Variants in LINGO2 observed in about 807,000 individuals in gnomAD.
LINGO2 encodes leucine rich repeat and Ig domain containing 2, also known as leucine-rich repeat and immunoglobulin-like domain-containing nogo receptor-interacting protein 2.
LINGO2 carries 14 observed loss-of-function variants against 30.6 expected under a neutral mutation model. The observed-to-expected ratio is 0.46, with a 90% CI of 0.30 to 0.72. The LOEUF (loss-of-function observed/expected upper bound fraction) is 0.72, where lower values mean the gene tolerates loss of function less well. Ranked by LOEUF, LINGO2 falls within the 30% of genes least tolerant of loss-of-function variation. The pLI, the probability that LINGO2 is intolerant of heterozygous loss-of-function variation, is 0.07. For missense variants in LINGO2, 729 were observed against 751.7 expected (o/e 0.97, Z 0.35); for synonymous variants, 317 against 288.5 (o/e 1.10, Z -1.00).
the LINGO2 span, among the ~76,000 whole-genome samples, chr9:28,854,349 T>C: frequency 6.6e-6 from 1 of 152,040 alleles, no homozygotes; most frequent in East Asian, 1.9e-4. Context: ...TCTTCTTGAA[T>C]GCTAAGTTAT....
chr9:28,154,088 G>A (rs1424487441), intron 4 of LINGO2, among the ~76,000 whole-genome samples: 2 of 152,096 alleles, frequency 1.3e-5, no homozygotes, highest in African/African-American at 4.8e-5. Context: ...ATTTGCTATA[G>A]CTCTGACAAC....
intron 2 of LINGO2, among the ~76,000 whole-genome samples, chr9:28,446,343 T>A (rs1397512051): frequency 2.0e-5 from 3 of 152,212 alleles, no homozygotes; most frequent in Non-Finnish European, 2.9e-5. Flanking sequence ...GTTTATAATA[T>A]AAAATTTCAA....
At chr9:28,487,593 A>C (rs1216616041) in intron 1 of LINGO2, among the ~76,000 whole-genome samples, 1 of 152,200 alleles carries the variant, frequency 6.6e-6, no homozygotes, top group East Asian at 1.9e-4. Flanking sequence ...TGGAAATGTC[A>C]AATTTCCCAA....
the LINGO2 span, among the ~76,000 whole-genome samples, chr9:28,760,421 G>A: frequency 2.0e-5 from 3 of 151,964 alleles, no homozygotes; most frequent in East Asian, 5.8e-4. Flanking sequence ...CTGAGAAAGG[G>A]AAACAAGATT....
intron 1 of LINGO2, among the ~76,000 whole-genome samples, chr9:28,510,395 T>C (rs1333962809): frequency 6.6e-6 from 1 of 152,050 alleles, no homozygotes; most frequent in Non-Finnish European, 1.5e-5. Flanking sequence ...TAAAAAAGAA[T>C]GTTATTAAGA....
rs546861016 is a variant in LINGO2, at chr9:28,011,162, T to G, written c.-36+1193A>C. Among the ~76,000 whole-genome samples, 10 of 152,148 alleles carry G rather than the reference T, an allele frequency of 6.6e-5. 1 individual carries two copies. Among genetic ancestry groups the G allele is most frequent in the Middle Eastern group, 3.4e-3 (1 of 294 alleles). On this transcript the variant is annotated intron_variant, in intron 5 of 5. Coordinates refer to ENST00000379992, the Ensembl canonical transcript of LINGO2. ...GGTTCAAGAGAATGAGAAAGTCAAA[T>G]GTAAGAGGCCAGGTCAAATTGATTT...
the LINGO2 span, among the ~76,000 whole-genome samples, chr9:28,934,791 A>G: frequency 6.6e-6 from 1 of 152,172 alleles, no homozygotes; most frequent in African/African-American, 2.4e-5. Flanking sequence ...TTAATCTAAA[A>G]TTGCTTCAAT....
chr9:28,948,712 T>G, the LINGO2 span, among the ~76,000 whole-genome samples: 3 of 152,248 alleles, frequency 2.0e-5, no homozygotes, highest in African/African-American at 7.2e-5. Flanking sequence ...AAATAAATCT[T>G]GGTTATGCAA....
At chr9:28,777,895 T>C in the LINGO2 span, among the ~76,000 whole-genome samples, 1 of 152,210 alleles carries the variant, frequency 6.6e-6, no homozygotes. Flanking sequence ...TTTAAAATCC[T>C]GATTTCTCTT....
chr9:28,754,017 AACACACACACACACAC>A, the LINGO2 span, among the ~76,000 whole-genome samples: 5 of 146,024 alleles, frequency 3.4e-5, no homozygotes, highest in East Asian at 4.0e-4. Context: ...CACACACACA[AACACACACACACACAC>A]ACACACACAC....
At chr9:28,865,924 T>C in the LINGO2 span, among the ~76,000 whole-genome samples, 5 of 152,154 alleles carry the variant, frequency 3.3e-5, no homozygotes, top group African/African-American at 1.2e-4. Context: ...CAGGGTGTGT[T>C]TTTACAATAT....
At chr9:29,066,770 A>G in the LINGO2 span, among the ~76,000 whole-genome samples, 7 of 151,928 alleles carry the variant, frequency 4.6e-5, no homozygotes, top group Admixed American at 2.6e-4. Flanking sequence ...GACCTAAAAT[A>G]TAGTATGATC....
chr9:27,950,700 C>A lies in LINGO2; in HGVS notation c.-29G>T. The A allele has an allele frequency of 1.3e-6, 2 of 1,484,486 alleles. No individual in the cohort carries two copies. The highest frequency in any genetic ancestry group is 3.0e-5 in the South Asian group (2 of 66,620). 92.0% of individuals were successfully genotyped at this position (1,484,486 alleles called of 1,614,324 possible). On this transcript the variant is annotated 5_prime_UTR_variant, in exon 6 of 6. It removes the in-frame stop codon of an upstream open reading frame in the 5' UTR. Transcript: ENST00000379992. ...TCCACTTCTTAGTCTACACCTTGGT[C>A]ACGGGTCTGCATGGAAGGGACACAA... is the stretch of plus-strand genomic sequence containing the variant.
chr9:27,987,482 A>T (rs1471577626), intron 5 of LINGO2, among the ~76,000 whole-genome samples: 1 of 151,860 alleles, frequency 6.6e-6, no homozygotes, highest in Non-Finnish European at 1.5e-5. Context: ...TAGACTTTCA[A>T]TTCTAGCTTT....
the LINGO2 span, among the ~76,000 whole-genome samples, chr9:28,903,237 G>A: frequency 1.3e-5 from 2 of 151,716 alleles, no homozygotes; most frequent in African/African-American, 4.8e-5. Context: ...GAGACTAATA[G>A]GAACAAGTAT....
At chr9:28,654,738 G>A (rs1282355038) in intron 1 of LINGO2, among the ~76,000 whole-genome samples, 1 of 152,082 alleles carries the variant, frequency 6.6e-6, no homozygotes, top group East Asian at 1.9e-4. Flanking sequence ...ACTAGAGATA[G>A]ACTGTCTAGA....
the LINGO2 span, among the ~76,000 whole-genome samples, chr9:28,796,186 A>G: frequency 6.6e-6 from 1 of 152,142 alleles, no homozygotes; most frequent in Admixed American, 6.5e-5. Flanking sequence ...TTGATAAATT[A>G]GACATCAAAG....
rs113060736 is a variant in LINGO2, at chr9:28,291,839, C to A, written c.-87+3369G>T. On this transcript the variant is annotated intron_variant, in intron 4 of 5. Coordinates refer to ENST00000379992, the Ensembl canonical transcript of LINGO2. ...AGAAAAAGTAATTCAACTTGTAGACCCAAGAAACTTGGCAAATTCCAAACA... is the reference window on the plus strand; with the variant it reads ...AGAAAAAGTAATTCAACTTGTAGACACAAGAAACTTGGCAAATTCCAAACA... Among the ~76,000 whole-genome samples, 657 of 152,000 alleles carry A rather than the reference C, an allele frequency of 4.3e-3. 6 individuals are homozygous for A. The highest frequency in any genetic ancestry group is 7.5e-3 in the Non-Finnish European group (509 of 67,958).
At chr9:27,954,405 C>T (rs10757701) in intron 5 of LINGO2, among the ~76,000 whole-genome samples, 3 of 151,922 alleles carry the variant, frequency 2.0e-5, no homozygotes, top group African/African-American at 7.3e-5. Flanking sequence ...CCTCCATGCT[C>T]TCAATGTTTT....
Sources: allele counts gnomAD v4.1 joint callset (sites outside exome capture counted in the v4.1 genomes callset), GRCh38; gene constraint gnomAD v4.1.1; transcripts MANE v1.5; gene names NCBI Gene and HGNC (gene_info 2026-07-23, HGNC 2026-07-21).